Variants in POM121 observed in about 807,000 individuals in gnomAD.
POM121 encodes the protein POM121 transmembrane nucleoporin, also known as nuclear envelope pore membrane protein POM 121.
A neutral mutation model predicts 81.3 loss-of-function variants in POM121; 32 were observed. The observed-to-expected ratio is 0.39, with a 90% confidence interval of 0.30 to 0.53. The LOEUF (loss-of-function observed/expected upper bound fraction) is 0.53, where lower values mean the gene tolerates loss of function less well. POM121 is among the 20% of genes least tolerant of loss of function. The probability of loss-of-function intolerance (pLI) is 0.66; values close to 1 mark genes in which losing one functional copy is unlikely to be tolerated. For missense variants in POM121, 1,138 were observed against 1,614.6 expected (o/e 0.70, Z 5.06); for synonymous variants, 514 against 694.2 (o/e 0.74, Z 4.08).
downstream of POM121, chr7:72,949,401 A>G (rs782153972): frequency 9.2e-6 from 11 of 1,192,542 alleles, no homozygotes; most frequent in African/African-American, 1.5e-4. Flanking sequence ...AGTCCTCCTC[A>G]GCCAGCTCAC....
chr7:72,939,725 G>A, intron 7 of POM121, 122 bp from the exon 8 acceptor site: 1 of 1,606,686 alleles, frequency 6.2e-7, no homozygotes, highest in Non-Finnish European at 8.5e-7. Context: ...CCAAACCATA[G>A]AAGATTGAAT....
At chr7:72,931,442 A>G (rs1796011175) in intron 5 of POM121, among the ~76,000 whole-genome samples, 1 of 152,220 alleles carries the variant, frequency 6.6e-6, no homozygotes, top group Admixed American at 6.5e-5. Flanking sequence ...GGGAATATAA[A>G]TAATTCATAA....
At chr7:72,918,609 G>A (rs1332831164) in intron 4 of POM121, among the ~76,000 whole-genome samples, 8 of 152,056 alleles carry the variant, frequency 5.3e-5, no homozygotes, top group Non-Finnish European at 1.0e-4. Flanking sequence ...AACTCTTGTT[G>A]TTTTATATAT....
At chr7:72,881,066 CTTTTTTTTTT>C (rs3973810) in intron 1 of POM121, among the ~76,000 whole-genome samples, 1 of 47,196 alleles carries the variant, frequency 2.1e-5, no homozygotes, top group African/African-American at 5.4e-5. Flanking sequence ...CCCTATCACT[CTTTTTTTTTT>C]TTTTTTTTTT....
At chr7:72,945,488 C>G in intron 11 of POM121, 98 bp from the exon 12 acceptor site, 3 of 1,443,496 alleles carry the variant, frequency 2.1e-6, no homozygotes, top group South Asian at 1.3e-5. Context: ...GGCTGAGGGT[C>G]CCGTGGGAAG....
intron 1 of POM121, among the ~76,000 whole-genome samples, chr7:72,884,545 CATATA>C (rs1422332277): frequency 8.0e-5 from 3 of 37,568 alleles, no homozygotes; most frequent in East Asian, 1.5e-3. Context: ...CAAATATATA[CATATA>C]ATATATATTT....
At position 72,941,299 on chromosome 7, in the gene POM121, C is replaced by T. The variant is rs560982934; in HGVS notation, c.1843+306C>T. Among the ~76,000 whole-genome samples, 234 of 152,164 alleles carry T rather than the reference C, an allele frequency of 1.5e-3. 1 individual carries two copies. The highest frequency in any genetic ancestry group is 5.3e-3 in the African/African-American group (218 of 41,498). ...CACCTCTGAAGTGTGAATGTGGTGG[C>T]GTGGTCAGGATATCCTTGCCTGTCA... On this transcript the variant is annotated intron_variant, in intron 10 of 12. Coordinates refer to ENST00000434423, the MANE Select transcript of POM121 (RefSeq NM_001387691.1).
intron 11 of POM121, among the ~76,000 whole-genome samples, chr7:72,944,923 G>C (rs1467741269): frequency 1.3e-5 from 2 of 152,162 alleles, no homozygotes; most frequent in Admixed American, 1.3e-4. Flanking sequence ...GTGAATCAGG[G>C]AGTGACCTGG....
downstream of POM121, chr7:72,948,908 T>C: frequency 6.2e-7 from 1 of 1,612,544 alleles, no homozygotes; most frequent in Non-Finnish European, 8.5e-7. Flanking sequence ...GCGCCCGGGT[T>C]CTGCTGCAGC....
intron 5 of POM121, among the ~76,000 whole-genome samples, chr7:72,933,940 C>G (rs1482606280): frequency 6.6e-6 from 1 of 152,002 alleles, no homozygotes; most frequent in Admixed American, 6.6e-5. Context: ...TACATAAAAA[C>G]AAGGCTCAGA....
chr7:72,923,900 T>G (rs146722358), upstream of POM121, among the ~76,000 whole-genome samples: 11 of 150,834 alleles, frequency 7.3e-5, no homozygotes, highest in Admixed American at 6.6e-4. Flanking sequence ...GCGCCTGGCC[T>G]TCTTATTTTT....
intron 4 of POM121, among the ~76,000 whole-genome samples, chr7:72,914,491 CT>C (rs77243556): frequency 0.051 from 6,771 of 132,460 alleles, 331 homozygotes; most frequent in African/African-American, 0.14. Flanking sequence ...GAGACTGTGT[CT>C]TTTTTTTTTT....
At chr7:72,948,528 T>C (rs1554503885), downstream of POM121, 1 of 1,612,304 alleles carries the variant, frequency 6.2e-7, no homozygotes, top group Non-Finnish European at 8.5e-7. Flanking sequence ...AGCTTTTTGC[T>C]CTCTTCTTTC....
intron 5 of POM121, among the ~76,000 whole-genome samples, chr7:72,932,125 TTC>T (rs1796083632): frequency 2.7e-5 from 4 of 149,482 alleles, no homozygotes; most frequent in African/African-American, 7.4e-5. Flanking sequence ...TTTGAAATAG[TTC>T]TGTTTTAAAT....
exon 1 of POM121, chr7:72,879,813 G>A (rs1789947333): frequency 1.2e-5 from 6 of 501,914 alleles, no homozygotes; most frequent in South Asian, 8.7e-5. Context: ...GCGAGCAGAC[G>A]CGCGCGCCAG....
rs201035224 is a variant in POM121, at chr7:72,942,833, C to G, written c.2840C>G (p.Thr947Arg). The G allele has an allele frequency of 1.3e-6, 2 of 1,563,458 alleles. No individual in the cohort carries two copies. Among genetic ancestry groups the G allele is most frequent in the East Asian group, 4.6e-5 (2 of 43,212 alleles). ...ACGTTCAGTAACACGAGCACCCCCA[C>G]GTTCAACATTCCCTTTGGCTCAAGC... is the stretch of plus-strand genomic sequence containing the variant. ...TLTFSNTSTP[T>R]FNIPFGSSAK... The change falls in exon 11 of 13, where the codon ACG (threonine) becomes AGG (arginine). Residue 947 changes from threonine (T) to arginine (R), a missense_variant. Thr to Arg is a moderately conservative substitution (Grantham distance 71, BLOSUM62 -1). This residue lies in a region of POM121 where 45 missense variants were observed against 75.7 expected (regional missense o/e 0.59). Transcript: ENST00000434423.
exon 3 of POM121, chr7:72,891,007 A>G (rs1320511516): frequency 4.7e-6 from 5 of 1,070,952 alleles, no homozygotes; most frequent in East Asian, 2.4e-5. Flanking sequence ...TTCTTTTCCC[A>G]TTAACAAGAT....
Position 72,946,182 on chromosome 7 carries a change from C to T in POM121, c.3698C>T (p.Pro1233Leu), listed in dbSNP as rs782193560. 115 of 1,611,624 alleles carry T rather than the reference C, an allele frequency of 7.1e-5. 1 individual carries two copies. Among genetic ancestry groups the T allele is most frequent in the South Asian group, 2.9e-4 (26 of 90,946 alleles). Residue 1233 changes from proline to leucine, a missense_variant, in exon 13 of 13, where the codon CCA (proline) becomes CTA (leucine). Physicochemically the swap from Pro to Leu is moderately conservative, Grantham distance 98. Coordinates refer to ENST00000434423, the MANE Select transcript of POM121 (RefSeq NM_001387691.1). ...SFSIGAGSKTPGARQRLQARR... is the reference protein window; with the variant it reads ...SFSIGAGSKTLGARQRLQARR... Reference sequence around the variant, plus strand: ...TCCATTGGTGCGGGATCCAAGACCCCAGGGGCTCGACAGCGACTGCAGGCC... The same window carrying T: ...TCCATTGGTGCGGGATCCAAGACCCTAGGGGCTCGACAGCGACTGCAGGCC...
intron 3 of POM121, among the ~76,000 whole-genome samples, chr7:72,912,119 T>G (rs1288917863): frequency 6.6e-6 from 1 of 152,200 alleles, no homozygotes; most frequent in Non-Finnish European, 1.5e-5. Context: ...TCTTGAACTC[T>G]TGGGCTCAAG....
Sources: gnomAD v4.1 joint callset for allele counts (sites outside exome capture counted in the v4.1 genomes callset) on GRCh38, gnomAD v4.1.1 for gene constraint, gnomAD v4.1.1 regional missense constraint, MANE v1.5 for transcripts, NCBI Gene and HGNC (gene_info 2026-07-23, HGNC 2026-07-21) for gene names.